CLVS1: variants seen among roughly 807,000 people sequenced by gnomAD.
CLVS1 encodes clavesin 1.
A neutral mutation model predicts 33.1 loss-of-function variants in CLVS1; 10 were observed. That is an observed-to-expected ratio of 0.30 (90% CI 0.19 to 0.51). The LOEUF (loss-of-function observed/expected upper bound fraction) is 0.51, where lower values mean the gene tolerates loss of function less well. CLVS1 is among the 20% of genes least tolerant of loss of function. CLVS1 has a pLI of 0.97. For missense variants in CLVS1, 343 were observed against 433.4 expected, an observed-to-expected ratio of 0.79 and a Z score of 1.85; for synonymous variants, 163 against 166.1, an observed-to-expected ratio of 0.98 and a Z score of 0.14.
intron 3 of CLVS1, among the ~76,000 whole-genome samples, chr8:61,426,791 G>A (rs573958175): frequency 6.6e-6 from 1 of 152,316 alleles, no homozygotes; most frequent in African/African-American, 2.4e-5. Flanking sequence ...GGGTGAAGGT[G>A]AAGGATGTTG....
intron 2 of CLVS1, among the ~76,000 whole-genome samples, chr8:61,146,036 G>C (rs1159600323): frequency 6.6e-6 from 1 of 152,200 alleles, no homozygotes; most frequent in African/African-American, 2.4e-5. Context: ...TGTGCAGTCA[G>C]AAAATGTGTC....
chr8:61,439,025 A>C (rs2129605979), intron 3 of CLVS1, among the ~76,000 whole-genome samples: 1 of 152,318 alleles, frequency 6.6e-6, no homozygotes, highest in African/African-American at 2.4e-5. Context: ...TACACACTAA[A>C]GATATTTGTG....
intron 2 of CLVS1, among the ~76,000 whole-genome samples, chr8:61,323,651 T>C (rs75391741): frequency 1.6e-5 from 2 of 127,554 alleles, no homozygotes; most frequent in East Asian, 3.0e-4. Context: ...GCAGTAACTC[T>C]TTTTTTTTTC....
intron 2 of CLVS1, among the ~76,000 whole-genome samples, chr8:61,192,697 A>C (rs1807517293): frequency 6.6e-6 from 1 of 152,204 alleles, no homozygotes; most frequent in African/African-American, 2.4e-5. Flanking sequence ...ACCCCATCAA[A>C]AAGTGGGCAA....
At chr8:61,255,533 G>A (rs1291112376) in intron 2 of CLVS1, among the ~76,000 whole-genome samples, 1 of 152,066 alleles carries the variant, frequency 6.6e-6, no homozygotes, top group African/African-American at 2.4e-5. Flanking sequence ...AGTAAGCAAA[G>A]GTATAACATA....
chr8:61,053,317 T>C (rs1293207294), upstream of CLVS1, among the ~76,000 whole-genome samples: 1 of 152,078 alleles, frequency 6.6e-6, no homozygotes, highest in Non-Finnish European at 1.5e-5. Context: ...CGTCAAAGGC[T>C]GAGCACTGGG....
At chr8:61,403,454 C>A (rs571874097) in intron 3 of CLVS1, among the ~76,000 whole-genome samples, 1 of 152,228 alleles carries the variant, frequency 6.6e-6, no homozygotes, top group South Asian at 2.1e-4. Flanking sequence ...GCAGGGAAAC[C>A]AGTTAGGAAA....
chr8:61,332,667 GTC>G (rs1468320983), intron 2 of CLVS1, among the ~76,000 whole-genome samples: 1 of 152,086 alleles, frequency 6.6e-6, no homozygotes, highest in East Asian at 1.9e-4. Context: ...TTGAGACAGA[GTC>G]TCTCTCTGTT....
chr8:61,354,476 G>T (rs929685695), intron 2 of CLVS1, among the ~76,000 whole-genome samples: 4 of 151,636 alleles, frequency 2.6e-5, no homozygotes, highest in African/African-American at 7.3e-5. Context: ...TTACACTCTC[G>T]GGCATTTATC....
rs1359983638 is a variant in CLVS1, at chr8:61,069,674, A to G, written c.-243+12444A>G. Among the ~76,000 whole-genome samples the G allele has an allele frequency of 3.3e-5, 5 of 151,784 alleles. 1 individual carries two copies. The highest frequency in any genetic ancestry group is 4.2e-4 in the South Asian group (2 of 4,798). On this transcript the variant is annotated intron_variant, in intron 1 of 2. Transcript: ENST00000522621. ...CTCCCAACACTATACCCTCATTACC[A>G]CTGTCAACATCTGCCCCATCCTTAT...
the CLVS1 span, among the ~76,000 whole-genome samples, chr8:60,975,145 G>A: frequency 1.3e-5 from 2 of 152,168 alleles, no homozygotes; most frequent in African/African-American, 2.4e-5. Flanking sequence ...TAAGAGGGAA[G>A]ACATCATAGA....
intron 2 of CLVS1, among the ~76,000 whole-genome samples, chr8:61,208,598 C>CT (rs1182455336): frequency 1.9e-3 from 280 of 149,350 alleles, no homozygotes; most frequent in African/African-American, 6.0e-3. Flanking sequence ...ATTTTTTTTT[C>CT]TTTTTTTTTG....
chr8:61,283,391 CT>C (rs1809714291), upstream of CLVS1, among the ~76,000 whole-genome samples: 2 of 152,268 alleles, frequency 1.3e-5, no homozygotes, highest in African/African-American at 4.8e-5. Context: ...TAGATCTTTG[CT>C]TTTAGTCTCT....
rs1425545633 is a variant in CLVS1 at position 61,348,528 on chromosome 8, T to C, written c.456-28077T>C. Among the ~76,000 whole-genome samples the C allele has an allele frequency of 2.0e-5, 3 of 152,178 alleles. No homozygotes were observed. In the East Asian group the frequency reaches 5.8e-4, roughly 29 times the overall value. On this transcript the variant is annotated intron_variant, in intron 2 of 5. Coordinates refer to ENST00000325897, the MANE Select transcript of CLVS1 (RefSeq NM_173519.3). Reference sequence around the variant, plus strand: ...TTATCATAACGTCCTTCAGGTTCATTCATATTGTTGCAAATGACAGGATTT... The same window carrying C: ...TTATCATAACGTCCTTCAGGTTCATCCATATTGTTGCAAATGACAGGATTT...
At chr8:61,354,826 G>A (rs1169273683) in intron 2 of CLVS1, among the ~76,000 whole-genome samples, 2 of 152,142 alleles carry the variant, frequency 1.3e-5, no homozygotes, top group Admixed American at 6.5e-5. Flanking sequence ...GGAATGGGAG[G>A]AGAGAGTTAT....
At chr8:61,308,729 G>T (rs551312036) in intron 2 of CLVS1, among the ~76,000 whole-genome samples, 1 of 152,110 alleles carries the variant, frequency 6.6e-6, no homozygotes, top group Non-Finnish European at 1.5e-5. Context: ...ACTACCAGTT[G>T]TTAGGTGCTT....
chr8:61,057,474 G>A (rs144892509), intron 1 of CLVS1, among the ~76,000 whole-genome samples: 4 of 151,690 alleles, frequency 2.6e-5, no homozygotes, highest in South Asian at 2.1e-4. Flanking sequence ...TGTTTCTTAG[G>A]CCATGCCTGA....
At chr8:61,081,075 T>C (rs1022634865) in intron 1 of CLVS1, among the ~76,000 whole-genome samples, 1 of 152,196 alleles carries the variant, frequency 6.6e-6, no homozygotes, top group Admixed American at 6.5e-5. Flanking sequence ...GATTAAAAAT[T>C]GGTCTTAAGT....
rs558375087 is a variant in CLVS1 at position 61,293,463 on chromosome 8, C to T, written c.-152+5325C>T. Among the ~76,000 whole-genome samples, 10 of 152,240 alleles carry T rather than the reference C, an allele frequency of 6.6e-5. No individual in the cohort carries two copies. In the East Asian group the frequency reaches 1.9e-3, roughly 29 times the overall value. On this transcript the variant is annotated intron_variant, in intron 1 of 5. Coordinates refer to ENST00000325897, the MANE Select transcript of CLVS1 (RefSeq NM_173519.3). ...TCAGCACCATGGAACATGTAACCAA[C>T]CAGCCTCTGAGATTTAAATATAGGC... is the stretch of plus-strand genomic sequence containing the variant.
Sources: gnomAD v4.1 joint callset for allele counts (sites outside exome capture counted in the v4.1 genomes callset) on GRCh38, gnomAD v4.1.1 for gene constraint, MANE v1.5 for transcripts, NCBI Gene and HGNC (gene_info 2026-07-23, HGNC 2026-07-21) for gene names.